RABGAP1L: variants seen among roughly 807,000 people sequenced by gnomAD.
The protein encoded by RABGAP1L is rab GTPase-activating protein 1-like.
In RABGAP1L, 63 loss-of-function variants were observed where a neutral mutation model predicts 137.7. The observed-to-expected ratio is 0.46, with a 90% confidence interval of 0.37 to 0.56. The LOEUF is 0.56. RABGAP1L is among the 20% of genes least tolerant of loss of function. The pLI is 0.00. For synonymous variants in RABGAP1L, 431 were observed against 433.7 expected (o/e 0.99, Z 0.08); for missense variants, 1,095 against 1,244.0 (o/e 0.88, Z 1.80).
chr1:174,889,750 T>C (rs1053054376), intron 19 of RABGAP1L, among the ~76,000 whole-genome samples: 2 of 151,520 alleles, frequency 1.3e-5, no homozygotes, highest in African/African-American at 4.9e-5. Flanking sequence ...TTTTTTGAGA[T>C]AGTGTCTCTT....
chr1:174,396,049 A>T (rs1052214577), intron 13 of RABGAP1L, among the ~76,000 whole-genome samples: 13 of 152,154 alleles, frequency 8.5e-5, no homozygotes, highest in South Asian at 8.3e-4. Context: ...ATAAACTGCT[A>T]TAACAAACAT....
Position 174,919,323 on chromosome 1 carries a change from G to A in RABGAP1L, c.2341-38134G>A, listed in dbSNP as rs898074979. On this transcript the variant is annotated intron_variant, in intron 19 of 25. Coordinates refer to ENST00000681986, the MANE Select transcript of RABGAP1L (RefSeq NM_001366446.1). ...GTGAGCCACTGCGCCTGGCCAATCC[G>A]TGGTTCTTTACTCTTGTGTCAGCCA... Among the ~76,000 whole-genome samples, 10 of 152,132 alleles carry A rather than the reference G, an allele frequency of 6.6e-5. No individual in the cohort carries two copies. The East Asian group carries it at 7.8e-4, about 12-fold the overall frequency.
chr1:174,161,726 AGTTT>A (rs1279718512), intron 1 of RABGAP1L, among the ~76,000 whole-genome samples: 3 of 151,748 alleles, frequency 2.0e-5, no homozygotes, highest in East Asian at 2.0e-4. Context: ...AAATAGATGA[AGTTT>A]GTTTGTTTCT....
intron 13 of RABGAP1L, among the ~76,000 whole-genome samples, chr1:174,425,832 A>G (rs556188126): frequency 1.3e-5 from 2 of 152,180 alleles, no homozygotes; most frequent in South Asian, 4.1e-4. Flanking sequence ...GATATTGGGT[A>G]AATGGTTCTT....
At chr1:174,194,676 C>CGTG (rs1290523448) in intron 1 of RABGAP1L, among the ~76,000 whole-genome samples, 1 of 152,024 alleles carries the variant, frequency 6.6e-6, no homozygotes, top group African/African-American at 2.4e-5. Flanking sequence ...TCTGGTGGGC[C>CGTG]GGCACGCCTT....
At position 174,636,708 on chromosome 1, in the gene RABGAP1L, C is replaced by T. The variant is rs550237425; in HGVS notation, c.1711-667C>T. On this transcript the variant is annotated intron_variant, in intron 13 of 25. Coordinates refer to ENST00000681986, the MANE Select transcript of RABGAP1L (RefSeq NM_001366446.1). ...AAATTAGATAATTTGTGGTATTAGA[C>T]AGATGAGAAATACATACTCTACTAT... 8.3e-4 allele frequency among the ~76,000 whole-genome samples: 126 copies of T among 152,150 alleles called. 1 individual carries two copies. The Middle Eastern group carries it at 0.01, about 12-fold the overall frequency.
intron 13 of RABGAP1L, among the ~76,000 whole-genome samples, chr1:174,512,868 C>G (rs1273137079): frequency 6.6e-6 from 1 of 152,122 alleles, no homozygotes; most frequent in Admixed American, 6.5e-5. Flanking sequence ...TACACATGTA[C>G]ACATACAAAA....
At chr1:174,246,988 G>C (rs1337799072) in intron 5 of RABGAP1L, among the ~76,000 whole-genome samples, 1 of 152,136 alleles carries the variant, frequency 6.6e-6, no homozygotes, top group Non-Finnish European at 1.5e-5. Flanking sequence ...TTAATGTACT[G>C]TCGTGTTCTT....
At chr1:174,671,534 T>A (rs1677176397) in intron 14 of RABGAP1L, among the ~76,000 whole-genome samples, 1 of 152,224 alleles carries the variant, frequency 6.6e-6, no homozygotes, top group African/African-American at 2.4e-5. Flanking sequence ...TGGAATTTTG[T>A]CAAATGATTT....
chr1:174,790,812 T>C (rs1687799003), intron 18 of RABGAP1L, among the ~76,000 whole-genome samples: 1 of 151,544 alleles, frequency 6.6e-6, no homozygotes, highest in Non-Finnish European at 1.5e-5. Flanking sequence ...TATGTGTTTA[T>C]GTATGGTGGG....
chr1:174,637,491 A>G lies in RABGAP1L; in HGVS notation c.1824+3A>G. 1 of 1,566,062 alleles carries G rather than the reference A, an allele frequency of 6.4e-7. No individual in the cohort carries two copies. Among genetic ancestry groups the G allele is most frequent in the Admixed American group, 1.7e-5 (1 of 59,134 alleles). On this transcript the variant is annotated splice_donor_region_variant and intron_variant, in intron 14 of 25. Coordinates refer to ENST00000681986, the MANE Select transcript of RABGAP1L (RefSeq NM_001366446.1). ...AATCGCTCTATAAGATCTGCAAGGTAGGACTCTCTTCCTCACTTTTTCTAA... is the reference window on the plus strand; with the variant it reads ...AATCGCTCTATAAGATCTGCAAGGTGGGACTCTCTTCCTCACTTTTTCTAA...
chr1:174,973,388 T>C (rs552361714), intron 21 of RABGAP1L, among the ~76,000 whole-genome samples: 7 of 151,162 alleles, frequency 4.6e-5, no homozygotes, highest in South Asian at 2.1e-4. Flanking sequence ...TCATTTCTTT[T>C]TTTTTTTTTT....
At chr1:174,718,949 C>G (rs1390915242) in intron 17 of RABGAP1L, among the ~76,000 whole-genome samples, 2 of 151,626 alleles carry the variant, frequency 1.3e-5, no homozygotes, top group East Asian at 3.9e-4. Flanking sequence ...AAGCTATTCT[C>G]CTTCCTCAGC....
intron 11 of RABGAP1L, among the ~76,000 whole-genome samples, chr1:174,356,077 A>G (rs950504291): frequency 2.0e-5 from 3 of 152,276 alleles, no homozygotes; most frequent in African/African-American, 4.8e-5. Context: ...TTGGTCTTTC[A>G]CAGTTCAGGA....
intron 13 of RABGAP1L, among the ~76,000 whole-genome samples, chr1:174,405,167 G>A (rs757121331): frequency 1.3e-3 from 197 of 152,272 alleles, no homozygotes; most frequent in Non-Finnish European, 2.0e-3. Context: ...ATTGAATAAT[G>A]TTTGGTGAAT....
chr1:174,342,993 C>T (rs1415514312), intron 11 of RABGAP1L, among the ~76,000 whole-genome samples: 1 of 152,204 alleles, frequency 6.6e-6, no homozygotes, highest in African/African-American at 2.4e-5. Flanking sequence ...CCTGCCTTGG[C>T]CTCCCAAAGT....
intron 17 of RABGAP1L, among the ~76,000 whole-genome samples, chr1:174,726,918 G>A (rs982368337): frequency 6.6e-6 from 1 of 151,976 alleles, no homozygotes; most frequent in Non-Finnish European, 1.5e-5. Flanking sequence ...ACAAGATTTT[G>A]GTACTCATCG....
chr1:174,547,029 CAAAAAAAAAAAAAAA>C (rs375413887), intron 13 of RABGAP1L, among the ~76,000 whole-genome samples: 1 of 78,244 alleles, frequency 1.3e-5, no homozygotes, highest in Non-Finnish European at 2.4e-5. Context: ...GACTCTGTCT[CAAAAAAAAAAAAAAA>C]AAAAAAAAAA....
At chr1:174,315,622 CTTT>C (rs35771793) in intron 11 of RABGAP1L, among the ~76,000 whole-genome samples, 6 of 132,694 alleles carry the variant, frequency 4.5e-5, no homozygotes, top group Admixed American at 7.4e-5. Flanking sequence ...CATTTCTTGC[CTTT>C]TTTTTTTTTT....
Sources: gnomAD v4.1 joint callset for allele counts (sites outside exome capture counted in the v4.1 genomes callset) on GRCh38, gnomAD v4.1.1 for gene constraint, MANE v1.5 for transcripts, NCBI Gene and HGNC (gene_info 2026-07-23, HGNC 2026-07-21) for gene names.